B4GALNT4: variants seen among roughly 807,000 people sequenced by gnomAD.
B4GALNT4 encodes N-acetyl-beta-glucosaminyl-glycoprotein 4-beta-N-acetylgalactosaminyltransferase 1.
B4GALNT4 carries 77 observed loss-of-function variants against 110.0 expected under a neutral mutation model. That is an observed-to-expected ratio of 0.70 (90% CI 0.58 to 0.85). The LOEUF (loss-of-function observed/expected upper bound fraction) is 0.85, where lower values mean the gene tolerates loss of function less well. Among genes scored for constraint, B4GALNT4 ranks in the 40% least tolerant of loss-of-function variants. The pLI, the probability that B4GALNT4 is intolerant of heterozygous loss-of-function variation, is 0.00. For missense variants in B4GALNT4, 1,575 were observed against 1,506.0 expected (o/e 1.05, Z -0.76); for synonymous variants, 785 against 655.5 (o/e 1.20, Z -3.02).
rs576931177 is a variant in B4GALNT4, at chr11:372,870, C to G, written c.367C>G (p.Leu123Val). 3 of 1,611,752 alleles carry G rather than the reference C, an allele frequency of 1.9e-6. No homozygotes were observed. Among genetic ancestry groups the G allele is most frequent in the African/African-American group, 2.7e-5 (2 of 74,904 alleles). Reference sequence around the variant, plus strand: ...TCCCCAGTACAAGGGGCAGGTGAACCTGCACGTGTTTGAGGACTGGTGTGG... The same window carrying G: ...TCCCCAGTACAAGGGGCAGGTGAACGTGCACGTGTTTGAGGACTGGTGTGG... Reference protein sequence around the residue: ...WREEYKGQVNLHVFEDWCGGA... With the variant: ...WREEYKGQVNVHVFEDWCGGA... Residue 123 changes from leucine (L) to valine (V), a missense_variant, in exon 4 of 20, where the codon CTG (leucine) becomes GTG (valine). Leu to Val is a conservative substitution (Grantham distance 32). Coordinates refer to ENST00000329962, the MANE Select transcript of B4GALNT4 (RefSeq NM_178537.5).
chr11:373,457 C>T lies in B4GALNT4; in HGVS notation c.645C>T (p.Ser215=), dbSNP rs143213010. 65 of 1,589,330 alleles carry T rather than the reference C, an allele frequency of 4.1e-5. No individual in the cohort carries two copies. Among genetic ancestry groups the T allele is most frequent in the Non-Finnish European group, 5.0e-5 (59 of 1,168,878 alleles). Residue 215 remains serine (S), a synonymous_variant, in exon 7 of 20, where the codon TCC becomes TCT. Transcript: ENST00000329962. ...GCTCTATCACCCCCCAGACTGGCTCCGAGTGGACAGCGCCTGGAGAATTCA... is the reference window on the plus strand; with the variant it reads ...GCTCTATCACCCCCCAGACTGGCTCTGAGTGGACAGCGCCTGGAGAATTCA... ...QLVAFVGKTG[S]EWTAPGEFTK... is the part of the protein sequence containing the mutation.
intron 11 of B4GALNT4, 50 bp from the exon 12 acceptor site, chr11:376,024 G>A (rs1274345667): frequency 6.2e-7 from 1 of 1,602,750 alleles, no homozygotes; most frequent in Non-Finnish European, 8.5e-7. Context: ...CCCTTGGGAG[G>A]CCGCCCCGGG....
Position 373,119 on chromosome 11 carries a change from A to G in B4GALNT4, c.535+3A>G. ...TTTCATCCACCCGGCGAGGGACGGTACGGGGGTGAGGGTGCCCCGGGGGAG... is the reference window on the plus strand; with the variant it reads ...TTTCATCCACCCGGCGAGGGACGGTGCGGGGGTGAGGGTGCCCCGGGGGAG... On this transcript the variant is annotated splice_donor_region_variant and intron_variant, in intron 5 of 19. Coordinates refer to ENST00000329962, the MANE Select transcript of B4GALNT4 (RefSeq NM_178537.5). The G allele has an allele frequency of 6.2e-7, 1 of 1,612,406 alleles. No homozygotes were observed. Among genetic ancestry groups the G allele is most frequent in the East Asian group, 2.2e-5 (1 of 44,840 alleles).
chr11:373,097 C>T lies in B4GALNT4; in HGVS notation c.516C>T (p.Phe172=), dbSNP rs759070607. The T allele has an allele frequency of 5.0e-6, 8 of 1,612,510 alleles. No homozygotes were observed. The Admixed American group carries it at 1.0e-4, about 20-fold the overall frequency. ...WKNYGLRIFG[F]IHPARDGDVQ... ...ACTATGGACTCCGTATTTTTGGTTT[C>T]ATCCACCCGGCGAGGGACGGTACGG... The change falls in exon 5 of 20, where the codon TTC becomes TTT. Residue 172 remains phenylalanine (F), a synonymous_variant. Transcript: ENST00000329962.
chr11:375,784 G>C lies in B4GALNT4; in HGVS notation c.985+11G>C. The C allele has an allele frequency of 6.2e-7, 1 of 1,600,356 alleles. No homozygotes were observed. Among genetic ancestry groups the C allele is most frequent in the Non-Finnish European group, 8.5e-7 (1 of 1,176,888 alleles). On this transcript the variant is annotated intron_variant, in intron 10 of 19. Coordinates refer to ENST00000329962, the MANE Select transcript of B4GALNT4 (RefSeq NM_178537.5). ...ATACCTTTTTCCTCAGTGAGAGGGG[G>C]CCCGCGCGGGGGCGAGGGCGGGGGT...
rs1023538988 is a variant in B4GALNT4, at chr11:376,680, G to A, written c.1557G>A (p.Glu519=). 13 of 1,428,120 alleles carry A rather than the reference G, an allele frequency of 9.1e-6. No individual in the cohort carries two copies. The highest frequency in any genetic ancestry group is 1.2e-5 in the Non-Finnish European group (13 of 1,095,350). The allele number at this position is 1,428,120 out of a possible 1,614,324, so 88.5% of individuals were successfully genotyped here. ...CTCCGCCCCCGCGCCCTGCAGTGGAGCAGCCGCCCCCAAAGGTGTACGTGA... is the reference window on the plus strand; with the variant it reads ...CTCCGCCCCCGCGCCCTGCAGTGGAACAGCCGCCCCCAAAGGTGTACGTGA... ...GRAPPPRPAV[E]QPPPKVYVTR... The change falls in exon 14 of 20, where the codon GAG becomes GAA. Residue 519 remains glutamate (E), a synonymous_variant. Transcript: ENST00000329962.
Position 376,455 on chromosome 11 carries a change from C to T in B4GALNT4, c.1332C>T (p.Leu444=), listed in dbSNP as rs768916027. 2.5e-6 allele frequency: 4 copies of T among 1,595,460 alleles called. No homozygotes were observed. The highest frequency in any genetic ancestry group is 4.5e-5 in the East Asian group (2 of 44,742). ...ACGACGAGGACGAGGGGGAGCTGCT[C>T]GACAGCCTGGAGCCCACCGAGGCGG... The part of the protein sequence containing the change: ...FLDDEDEGEL[L]DSLEPTEAAP... Residue 444 remains leucine (L), a synonymous_variant, in exon 14 of 20, where the codon CTC becomes CTT. Transcript: ENST00000329962.
chr11:380,466 C>T, intron 18 of B4GALNT4, 21 bp downstream of exon 18: 1 of 1,564,244 alleles, frequency 6.4e-7, no homozygotes, highest in Non-Finnish European at 8.6e-7. Flanking sequence ...GAGCGTCCCA[C>T]CCTGTGATAC....
chr11:380,242 G>A (rs111471551), intron 17 of B4GALNT4, 40 bp downstream of exon 17: 123,183 of 1,606,944 alleles, frequency 0.077, 5,582 homozygotes, highest in Admixed American at 0.17. Context: ...AAAACGGGGC[G>A]TGCCCGGGGA....
intron 14 of B4GALNT4, among the ~76,000 whole-genome samples, chr11:378,649 G>C (rs1315200829): frequency 6.6e-6 from 1 of 152,218 alleles, no homozygotes; most frequent in Non-Finnish European, 1.5e-5. Flanking sequence ...CGACTGAAGA[G>C]AAACCATCGT....
intron 19 of B4GALNT4, 28 bp from the exon 20 acceptor site, chr11:381,641 C>T (rs368881486): frequency 1.5e-5 from 23 of 1,566,248 alleles, no homozygotes; most frequent in Non-Finnish European, 1.9e-5. Flanking sequence ...CCCCGGGGTC[C>T]TGACCACCTC....
chr11:372,238 G>A (rs889119355), intron 2 of B4GALNT4, 26 bp downstream of exon 2: 33 of 1,543,612 alleles, frequency 2.1e-5, no homozygotes, highest in Admixed American at 5.9e-5. Context: ...GGGAGAACAC[G>A]TGTGCACGGA....
In B4GALNT4 at chr11:369,869, G is replaced by A; in HGVS notation, c.66G>A (p.Leu22=). The A allele has an allele frequency of 1.0e-6, 1 of 997,138 alleles. No homozygotes were observed. The allele number at this position is 997,138 out of a possible 1,614,324, so 61.8% of individuals were successfully genotyped here. ...AGCTGCTGCTGCTGCTGCTGCTGCT[G>A]AGCTGCGCCGCGTGGCTCACCTACG... ...QMKLLLLLLL[L]SCAAWLTYVH... Residue 22 remains leucine, a synonymous_variant, in exon 1 of 20, where the codon CTG becomes CTA. Coordinates refer to ENST00000329962, the MANE Select transcript of B4GALNT4 (RefSeq NM_178537.5).
At chr11:378,748 C>T (rs1295187931) in intron 14 of B4GALNT4, among the ~76,000 whole-genome samples, 1 of 151,986 alleles carries the variant, frequency 6.6e-6, no homozygotes, top group African/African-American at 2.4e-5. Flanking sequence ...GAGGAAGGGG[C>T]CAGGAACGGG....
chr11:380,119 G>T lies in B4GALNT4; in HGVS notation c.2643-11G>T. 1.9e-6 allele frequency: 3 copies of T among 1,597,940 alleles called. No homozygotes were observed. Among genetic ancestry groups the T allele is most frequent in the Non-Finnish European group, 2.6e-6 (3 of 1,169,436 alleles). On this transcript the variant is annotated splice_polypyrimidine_tract_variant and intron_variant, in intron 16 of 19. Transcript: ENST00000329962. ...CCCCCAGAGATCGTGCCTGTGACTC[G>T]CCCTCCCCAGGTACCAGTACCTGAG...
At chr11:373,598 C>G (rs923990556) in intron 7 of B4GALNT4, 82 bp downstream of exon 7, 53 of 1,526,280 alleles carry the variant, frequency 3.5e-5, no homozygotes, top group Non-Finnish European at 4.5e-5. Flanking sequence ...CCTGTGCACA[C>G]TTGCGCACAC....
rs769661570 is a variant in B4GALNT4 at position 373,428 on chromosome 11, C to T, written c.637-21C>T. The T allele has an allele frequency of 1.5e-5, 23 of 1,561,596 alleles. 1 individual carries two copies. The highest frequency in any genetic ancestry group is 1.9e-5 in the Non-Finnish European group (22 of 1,138,068). On this transcript the variant is annotated intron_variant, in intron 6 of 19. Transcript: ENST00000329962. The stretch of plus-strand genomic sequence containing the variant: ...AGTGAACCCCCCCCCCCACCACCAC[C>T]CCTGCTCTATCACCCCCCAGACTGG...
chr11:380,416 G>A lies in B4GALNT4; in HGVS notation c.2840G>A (p.Ser947Asn), dbSNP rs781273803. The stretch of plus-strand genomic sequence containing the variant: ...TTCGCGCCCGTGGTCATGCGCCTGA[G>A]CTGCGGGAGCTCGCCCCGGGACCCC... ...LAFAPVVMRL[S>N]CGSSPRDPHG... The change falls in exon 18 of 20, where the codon AGC becomes AAC. Residue 947 changes from serine to asparagine, a missense_variant. By Grantham distance (46) the Ser-to-Asn change is conservative. Coordinates refer to ENST00000329962, the MANE Select transcript of B4GALNT4 (RefSeq NM_178537.5). The A allele has an allele frequency of 7.5e-6, 12 of 1,609,374 alleles. No homozygotes were observed. Among genetic ancestry groups the A allele is most frequent in the Non-Finnish European group, 6.8e-6 (8 of 1,178,454 alleles).
chr11:370,803 G>T (rs1009320073), intron 1 of B4GALNT4, among the ~76,000 whole-genome samples: 1 of 152,052 alleles, frequency 6.6e-6, no homozygotes, highest in Non-Finnish European at 1.5e-5. Flanking sequence ...TGTCCTGAGG[G>T]GGCAGAACAA....
Sources: gnomAD v4.1 joint callset for allele counts (sites outside exome capture counted in the v4.1 genomes callset) on GRCh38, gnomAD v4.1.1 for gene constraint, MANE v1.5 for transcripts, NCBI Gene and HGNC (gene_info 2026-07-23, HGNC 2026-07-21) for gene names.